Variants in PCDHA3 observed in about 807,000 individuals in gnomAD.
The protein encoded by PCDHA3 is protocadherin alpha 3.
In PCDHA3, 41 loss-of-function variants were observed where a neutral mutation model predicts 62.2. That is an observed-to-expected ratio of 0.66 (90% CI 0.51 to 0.86). The LOEUF is 0.86. PCDHA3 is among the 40% of genes least tolerant of loss of function. The pLI, the probability that PCDHA3 is intolerant of heterozygous loss-of-function variation, is 0.00. For missense variants in PCDHA3, 1,304 were observed against 1,241.2 expected (o/e 1.05, Z -0.76); for synonymous variants, 640 against 555.4 (o/e 1.15, Z -2.14).
chr5:140,966,818 C>G (rs1376177382), intron 1 of PCDHA3: 1 of 1,554,298 alleles, frequency 6.4e-7, no homozygotes, highest in Admixed American at 1.9e-5. Context: ...ACGGCTCCGG[C>G]GGCCCATGCC....
At chr5:140,811,325 A>G (rs1347665157) in intron 1 of PCDHA3, 1 of 152,238 alleles carries the variant, frequency 6.6e-6, no homozygotes, top group Non-Finnish European at 1.5e-5. Flanking sequence ...ATGTCTCTAC[A>G]AAGGACATGA....
rs1777075612 is a variant in PCDHA3 at position 140,841,185 on chromosome 5, G to A, written c.2394+37594G>A. The A allele has an allele frequency of 5.9e-6, 7 of 1,192,098 alleles. No homozygotes were observed. In the Admixed American group the frequency reaches 1.3e-4, roughly 22 times the overall value. The allele number at this position is 1,192,098 out of a possible 1,614,324, so 73.8% of individuals were successfully genotyped here. A position where few individuals can be genotyped will look rare whatever the true frequency, so the allele number is the denominator to read the frequency against. Reference sequence around the variant, plus strand: ...AAGTTCTGGTTGGTCAATGTTCAAAGTCTTTTCTCTGACAGCATCTGTCTC... The same window carrying A: ...AAGTTCTGGTTGGTCAATGTTCAAAATCTTTTCTCTGACAGCATCTGTCTC... On this transcript the variant is annotated intron_variant, in intron 1 of 3. Coordinates refer to ENST00000522353, the MANE Select transcript of PCDHA3 (RefSeq NM_018906.3).
intron 1 of PCDHA3, among the ~76,000 whole-genome samples, chr5:140,976,450 C>T (rs2096717096): frequency 6.6e-6 from 1 of 152,040 alleles, no homozygotes; most frequent in South Asian, 2.1e-4. Flanking sequence ...ACTAGGGAGG[C>T]TGGGGAAGAA....
intron 1 of PCDHA3, chr5:140,875,685 C>T (rs563250653): frequency 6.2e-7 from 1 of 1,613,934 alleles, no homozygotes; most frequent in South Asian, 1.1e-5. Flanking sequence ...CCAAAAGACA[C>T]GGGGACCTTC....
intron 1 of PCDHA3, chr5:140,850,503 G>A (rs2041643123): frequency 6.3e-7 from 1 of 1,598,176 alleles, no homozygotes; most frequent in South Asian, 1.1e-5. Flanking sequence ...GGTGTCGCTG[G>A]TGGAGAGCGG....
At chr5:140,843,503 A>C in intron 1 of PCDHA3, 1 of 1,595,796 alleles carries the variant, frequency 6.3e-7, no homozygotes. Flanking sequence ...AGCACTGCCC[A>C]CTGAGGGCGG....
rs115974425 is a variant in PCDHA3 at position 140,805,899 on chromosome 5, C to T, written c.2394+2308C>T. ...GGCAATGGAAGGAAGCAAACATTTT[C>T]TGCAGGGTAAATATTTAGGAAATAT... On this transcript the variant is annotated intron_variant, in intron 1 of 3. Transcript: ENST00000522353. Among the ~76,000 whole-genome samples the T allele has an allele frequency of 6.6e-3, 1,004 of 152,236 alleles. 12 individuals carry two copies. The highest frequency in any genetic ancestry group is 9.3e-3 in the Non-Finnish European group (635 of 68,000).
rs1554122584 is a variant in PCDHA3 at position 140,803,122 on chromosome 5, C to A, written c.1925C>A (p.Ala642Asp). 6.2e-7 allele frequency: 1 copy of A among 1,613,804 alleles called. No individual in the cohort carries two copies. Among genetic ancestry groups the A allele is most frequent in the Admixed American group, 1.7e-5 (1 of 60,028 alleles). The part of the protein sequence containing the change: ...STTRALDEVD[A>D]PRHRLLVLVK... ...ACCCGTGCCCTGGACGAGGTGGACG[C>A]CCCGCGCCATCGCCTACTGGTGCTG... is the stretch of plus-strand genomic sequence containing the variant. Residue 642 changes from alanine (A) to aspartate (D), a missense_variant, in exon 1 of 4, where the codon GCC becomes GAC. Ala to Asp is a moderately radical substitution (Grantham distance 126). Transcript: ENST00000522353.
intron 1 of PCDHA3, among the ~76,000 whole-genome samples, chr5:140,908,289 G>A (rs1031565997): frequency 2.6e-5 from 4 of 152,184 alleles, no homozygotes; most frequent in Non-Finnish European, 4.4e-5. Flanking sequence ...GTTGCAAGCT[G>A]GGGAAGAGAA....
At chr5:140,817,344 G>T (rs187134127) in intron 1 of PCDHA3, 1 of 152,268 alleles carries the variant, frequency 6.6e-6, no homozygotes, top group Non-Finnish European at 1.5e-5. Context: ...CTTGCTTGGA[G>T]CCCAGGACCC....
intron 1 of PCDHA3, chr5:140,928,113 G>C: frequency 6.2e-7 from 1 of 1,614,228 alleles, no homozygotes; most frequent in Admixed American, 1.7e-5. Context: ...ACCGGGAGCA[G>C]ATCAGTGAAT....
At chr5:140,835,917 G>T in intron 1 of PCDHA3, 1 of 1,612,332 alleles carries the variant, frequency 6.2e-7, no homozygotes, top group Non-Finnish European at 8.5e-7. Flanking sequence ...GTCAGTGCAC[G>T]CGGAGAGCGG....
At position 140,844,439 on chromosome 5, in the gene PCDHA3, C is replaced by T. The variant is rs1554140649; in HGVS notation, c.2394+40848C>T. Among the ~76,000 whole-genome samples, 3 of 149,204 alleles carry T rather than the reference C, an allele frequency of 2.0e-5. 1 individual carries two copies. Among genetic ancestry groups the T allele is most frequent in the African/African-American group, 7.4e-5 (3 of 40,780 alleles). ...TGTTTTTTATTCTACATGATTTTTA[C>T]AGTTGTATTGTCGCCAACTTAACAT... On this transcript the variant is annotated intron_variant, in intron 1 of 3. Coordinates refer to ENST00000522353, the MANE Select transcript of PCDHA3 (RefSeq NM_018906.3).
At chr5:140,999,845 T>G (rs1293721817) in intron 3 of PCDHA3, among the ~76,000 whole-genome samples, 1 of 152,188 alleles carries the variant, frequency 6.6e-6, no homozygotes, top group Non-Finnish European at 1.5e-5. Flanking sequence ...CAAGTGTATT[T>G]ATCTCTTCCG....
chr5:141,007,755 CTT>C (rs2098344346), intron 3 of PCDHA3, among the ~76,000 whole-genome samples: 1 of 152,170 alleles, frequency 6.6e-6, no homozygotes, highest in Non-Finnish European at 1.5e-5. Context: ...ACTTTGGACT[CTT>C]ATTGGCCTGG....
At chr5:141,003,936 C>T (rs934368361) in intron 3 of PCDHA3, among the ~76,000 whole-genome samples, 41 of 152,122 alleles carry the variant, frequency 2.7e-4, no homozygotes, top group African/African-American at 9.9e-4. Context: ...TTGTCTTTGC[C>T]TGAGGGTGAG....
intron 1 of PCDHA3, chr5:140,807,409 T>A: frequency 6.4e-7 from 1 of 1,572,226 alleles, no homozygotes; most frequent in Non-Finnish European, 8.7e-7. Flanking sequence ...GCGGAGGCCT[T>A]CTGGAGGTAA....
intron 1 of PCDHA3, among the ~76,000 whole-genome samples, chr5:140,888,192 A>G (rs906159358): frequency 4.6e-5 from 7 of 152,120 alleles, no homozygotes; most frequent in Non-Finnish European, 8.8e-5. Context: ...TGAATTTTAC[A>G]TTGTCGGATG....
chr5:140,857,101 C>T (rs781855221), intron 1 of PCDHA3: 2 of 1,597,612 alleles, frequency 1.3e-6, no homozygotes, highest in Non-Finnish European at 1.7e-6. Flanking sequence ...AGGTGATTGT[C>T]ACTTCTCTGT....
Sources: gnomAD v4.1 joint callset for allele counts (sites outside exome capture counted in the v4.1 genomes callset) on GRCh38, gnomAD v4.1.1 for gene constraint, MANE v1.5 for transcripts, NCBI Gene and HGNC (gene_info 2026-07-23, HGNC 2026-07-21) for gene names.